The following HACE1 variants were observed in gnomAD, a reference collection of about 807,000 sequenced individuals.
HACE1 encodes the protein HECT domain and ankyrin repeat containing E3 ubiquitin protein ligase 1.
A neutral mutation model predicts 118.4 loss-of-function variants in HACE1; 73 were observed. The ratio of observed to expected loss-of-function variants is 0.62; its 90% CI spans 0.51 to 0.75. The LOEUF (loss-of-function observed/expected upper bound fraction) is 0.75. Ranked by LOEUF, HACE1 falls within the 30% of genes least tolerant of loss-of-function variation. HACE1 has a pLI of 0.00. For synonymous variants in HACE1, 368 were observed against 374.8 expected (o/e 0.98, Z 0.21); for missense variants, 749 against 1,102.2 (o/e 0.68, Z 4.54).
At chr6:104,801,190 C>T (rs1332591992) in intron 7 of HACE1, among the ~76,000 whole-genome samples, 1 of 152,100 alleles carries the variant, frequency 6.6e-6, no homozygotes, top group East Asian at 1.9e-4. Flanking sequence ...AAGAAATGAA[C>T]AAAGCCTCCA....
chr6:104,807,341 T>C (rs1468785231), intron 7 of HACE1, among the ~76,000 whole-genome samples: 3 of 152,152 alleles, frequency 2.0e-5, no homozygotes, highest in Non-Finnish European at 4.4e-5. Context: ...AACTCTTTTA[T>C]ATGGCTACTT....
intron 11 of HACE1, 59 bp from the exon 12 acceptor site, chr6:104,785,378 AAAAAC>A (rs762030393): frequency 2.1e-6 from 2 of 970,142 alleles, no homozygotes; most frequent in South Asian, 1.4e-5. Flanking sequence ...TTAAAAAAAA[AAAAAC>A]AAAACACAAC....
intron 7 of HACE1, among the ~76,000 whole-genome samples, chr6:104,802,763 A>G (rs932104960): frequency 6.6e-6 from 1 of 152,236 alleles, no homozygotes; most frequent in African/African-American, 2.4e-5. Context: ...GAGAAAGCAG[A>G]AAGATCTAAA....
At chr6:104,763,951 A>G (rs1322657910) in intron 19 of HACE1, among the ~76,000 whole-genome samples, 1 of 152,116 alleles carries the variant, frequency 6.6e-6, no homozygotes, top group Non-Finnish European at 1.5e-5. Flanking sequence ...TTGAGAGGCT[A>G]AGGCAGAACT....
At chr6:104,798,054 GC>G (rs1769875456) in intron 7 of HACE1, among the ~76,000 whole-genome samples, 1 of 133,218 alleles carries the variant, frequency 7.5e-6, no homozygotes, top group African/African-American at 3.1e-5. Flanking sequence ...GGTAACAAGA[GC>G]AAAACCCCGT....
At chr6:104,766,428 G>C (rs929684097) in intron 19 of HACE1, among the ~76,000 whole-genome samples, 1 of 152,048 alleles carries the variant, frequency 6.6e-6, no homozygotes, top group Non-Finnish European at 1.5e-5. Flanking sequence ...AGACTCTGGG[G>C]TACTCTGAAT....
intron 22 of HACE1, among the ~76,000 whole-genome samples, chr6:104,736,011 A>G (rs1775786867): frequency 6.6e-6 from 1 of 151,922 alleles, no homozygotes; most frequent in Non-Finnish European, 1.5e-5. Context: ...TATATGTGTT[A>G]AAAATTCTAG....
chr6:104,826,247 T>C, intron 6 of HACE1, among the ~76,000 whole-genome samples: 1 of 152,164 alleles, frequency 6.6e-6, no homozygotes, highest in East Asian at 1.9e-4. Context: ...ACCACTGCTC[T>C]AAATTATGTG....
At chr6:104,857,662 A>T (rs1232900611) in intron 1 of HACE1, among the ~76,000 whole-genome samples, 1 of 152,032 alleles carries the variant, frequency 6.6e-6, no homozygotes, top group Non-Finnish European at 1.5e-5. Flanking sequence ...ACAAAAAAAA[A>T]AAAACATTTG....
intron 1 of HACE1, chr6:104,858,492 G>C (rs773806386): frequency 2.5e-6 from 1 of 398,002 alleles, no homozygotes; most frequent in South Asian, 1.8e-5. Flanking sequence ...TTGAGCCCAG[G>C]AGTTCAAGAC....
rs1392032979 is a variant in HACE1 at position 104,733,452 on chromosome 6, GTA to G, written c.2514-3038_2514-3037del. ...TAAGATCATAATTCATCAGGCATAA[GTA>G]TATATGAGAAAAATAAATAAAACAG... On this transcript the variant is annotated intron_variant, in intron 22 of 23. Transcript: ENST00000262903. Among the ~76,000 whole-genome samples, 13 of 152,208 alleles carry G rather than the reference GTA, an allele frequency of 8.5e-5. No individual in the cohort carries two copies. In the East Asian group the frequency reaches 2.3e-3, roughly 27 times the overall value.
intron 5 of HACE1, among the ~76,000 whole-genome samples, chr6:104,837,131 T>C (rs1026068015): frequency 3.3e-5 from 5 of 152,170 alleles, no homozygotes; most frequent in Non-Finnish European, 7.3e-5. Context: ...GGTTTTTTTG[T>C]AGACACAGAC....
At chr6:104,783,737 A>G (rs1582449256) in intron 14 of HACE1, among the ~76,000 whole-genome samples, 2 of 152,204 alleles carry the variant, frequency 1.3e-5, no homozygotes, top group Non-Finnish European at 2.9e-5. Flanking sequence ...CATGCTGCCA[A>G]TGTGATTTAT....
Position 104,796,795 on chromosome 6 carries a change from G to A in HACE1, c.715-39C>T, listed in dbSNP as rs771313052. ...CTAAAATTATCCAGGTTTAAAAACA[G>A]TCCCTTTTAAAGTTCATATTCTTCA... On this transcript the variant is annotated intron_variant, in intron 8 of 23. Coordinates refer to ENST00000262903, the MANE Select transcript of HACE1 (RefSeq NM_020771.4). 7 of 1,248,648 alleles carry A rather than the reference G, an allele frequency of 5.6e-6. No individual in the cohort carries two copies. The Admixed American group carries it at 1.2e-4, about 21-fold the overall frequency. 77.3% of individuals were successfully genotyped at this position (1,248,648 alleles called of 1,614,324 possible).
chr6:104,748,964 T>C (rs1440624601), intron 20 of HACE1, among the ~76,000 whole-genome samples: 1 of 152,188 alleles, frequency 6.6e-6, no homozygotes, highest in East Asian at 1.9e-4. Context: ...GTTAGTTTCA[T>C]GGGTATGTTC....
chr6:104,780,403 C>A, intron 14 of HACE1: 2 of 437,854 alleles, frequency 4.6e-6, no homozygotes, highest in South Asian at 3.3e-5. Flanking sequence ...AGAGGCTCCT[C>A]TTAATAGCAT....
chr6:104,831,014 GCCT>G (rs1261535967), intron 6 of HACE1: 1 of 152,042 alleles, frequency 6.6e-6, no homozygotes, highest in Non-Finnish European at 1.5e-5. Flanking sequence ...CTCCACCTCA[GCCT>G]CCCAAACAGC....
chr6:104,750,519 A>G (rs1051867400), intron 19 of HACE1, 47 bp from the exon 20 acceptor site: 8 of 1,528,604 alleles, frequency 5.2e-6, no homozygotes, highest in Non-Finnish European at 6.3e-6. Context: ...AACCTTTTAC[A>G]TACTTAATGT....
intron 7 of HACE1, 41 bp from the exon 8 acceptor site, chr6:104,797,066 A>G (rs1159115350): frequency 9.2e-7 from 1 of 1,090,352 alleles, no homozygotes; most frequent in South Asian, 1.2e-5. Context: ...CAATCTTTTT[A>G]AAGTCTTTCT....
Sources: allele counts gnomAD v4.1 joint callset (sites outside exome capture counted in the v4.1 genomes callset), GRCh38; gene constraint gnomAD v4.1.1; transcripts MANE v1.5; gene names NCBI Gene and HGNC (gene_info 2026-07-23, HGNC 2026-07-21).